Variants in KLHL8 observed in about 807,000 individuals in gnomAD.
KLHL8 encodes the protein kelch like family member 8, also known as kelch-like protein 8.
KLHL8 carries 38 observed loss-of-function variants against 63.5 expected under a neutral mutation model. That is an observed-to-expected ratio of 0.60 (90% confidence interval 0.46 to 0.78). KLHL8 has a LOEUF of 0.78. Ranked by LOEUF, KLHL8 falls within the 30% of genes least tolerant of loss-of-function variation. KLHL8 has a pLI of 0.00. For missense variants in KLHL8, 566 were observed against 752.4 expected (o/e 0.75, Z 2.90); for synonymous variants, 224 against 254.3 (o/e 0.88, Z 1.13).
At chr4:87,182,165 C>T (rs1423657453) in intron 4 of KLHL8, among the ~76,000 whole-genome samples, 1 of 141,372 alleles carries the variant, frequency 7.1e-6, no homozygotes, top group Non-Finnish European at 1.5e-5. Flanking sequence ...GGAGGTGGAG[C>T]TTGCAGTGAG....
chr4:87,162,229 A>C lies in KLHL8; in HGVS notation c.*1290T>G, dbSNP rs1456818181. The C allele has an allele frequency of 1.3e-5, 2 of 152,198 alleles. No homozygotes were observed. Among genetic ancestry groups the C allele is most frequent in the Non-Finnish European group, 2.9e-5 (2 of 68,032 alleles). The allele number at this position is 152,198 out of a possible 1,614,324, so 9.4% of individuals were successfully genotyped here. A position where few individuals can be genotyped will look rare whatever the true frequency, so the allele number is the denominator to read the frequency against. ...CAAACTGCACTGCAAATACAAAATA[A>C]AATATTTTCATGTTCTTGATAAATA... On this transcript the variant is annotated 3_prime_UTR_variant, in exon 10 of 10. Coordinates refer to ENST00000273963, the MANE Select transcript of KLHL8 (RefSeq NM_020803.5).
At chr4:87,225,494 G>A (rs1013104291), upstream of KLHL8, among the ~76,000 whole-genome samples, 4 of 152,208 alleles carry the variant, frequency 2.6e-5, no homozygotes, top group African/African-American at 9.6e-5. Flanking sequence ...GGGCCAGGCA[G>A]TAAATATTTT....
chr4:87,210,353 C>T (rs991059314), intron 1 of KLHL8, among the ~76,000 whole-genome samples: 20 of 152,146 alleles, frequency 1.3e-4, no homozygotes, highest in African/African-American at 4.1e-4. Context: ...TGGTGGCGGG[C>T]GCCTGTAGTC....
At position 87,170,521 on chromosome 4, in the gene KLHL8, T is replaced by C. The variant is rs781737612; in HGVS notation, c.1303A>G (p.Ile435Val). Reference sequence around the variant, plus strand: ...ACTGTACTCCACTGATCAGATTCTATGTCATATCTCTCCACATCATTGAAG... The same window carrying C: ...ACTGTACTCCACTGATCAGATTCTACGTCATATCTCTCCACATCATTGAAG... The part of the protein sequence containing the change: ...TCFNDVERYD[I>V]ESDQWSTVAP... The change falls in exon 7 of 10, where the codon ATA (isoleucine) becomes GTA (valine). Residue 435 changes from isoleucine (I) to valine (V), a missense_variant. By Grantham distance (29) the Ile-to-Val change is conservative. Transcript: ENST00000273963. The C allele has an allele frequency of 2.5e-5, 41 of 1,614,018 alleles. No individual in the cohort carries two copies. The highest frequency in any genetic ancestry group is 8.3e-5 in the Admixed American group (5 of 60,016).
chr4:87,168,748 GTA>G (rs1053737205), intron 8 of KLHL8, among the ~76,000 whole-genome samples: 2 of 144,400 alleles, frequency 1.4e-5, no homozygotes, highest in Admixed American at 6.9e-5. Flanking sequence ...ATATATACGT[GTA>G]TATATGTGTG....
chr4:87,169,064 G>C (rs531219612), intron 8 of KLHL8, among the ~76,000 whole-genome samples: 1 of 152,074 alleles, frequency 6.6e-6, no homozygotes, highest in East Asian at 1.9e-4. Context: ...CAGCACTTTG[G>C]GAGGCCAAGG....
intron 6 of KLHL8, among the ~76,000 whole-genome samples, chr4:87,175,781 G>A (rs947719449): frequency 7.2e-5 from 11 of 152,128 alleles, no homozygotes; most frequent in Non-Finnish European, 1.2e-4. Context: ...ATATGTAAAT[G>A]AGAACATAAA....
At chr4:87,234,865 C>A (rs1733200366) in intron 1 of KLHL8, among the ~76,000 whole-genome samples, 1 of 152,122 alleles carries the variant, frequency 6.6e-6, no homozygotes, top group African/African-American at 2.4e-5. Context: ...TATTGACGAT[C>A]CTGACACTGT....
At chr4:87,196,455 C>T (rs1368075396) in intron 1 of KLHL8, among the ~76,000 whole-genome samples, 2 of 151,932 alleles carry the variant, frequency 1.3e-5, no homozygotes, top group East Asian at 3.9e-4. Flanking sequence ...TACCACATAC[C>T]AACTGTATGA....
intron 1 of KLHL8, among the ~76,000 whole-genome samples, chr4:87,212,266 A>G (rs960273643): frequency 6.6e-6 from 1 of 152,154 alleles, no homozygotes; most frequent in South Asian, 2.1e-4. Flanking sequence ...AAATATCTTG[A>G]TGACTTAGGC....
chr4:87,229,421 T>C (rs903940108), intron 1 of KLHL8, among the ~76,000 whole-genome samples: 1 of 80,902 alleles, frequency 1.2e-5, no homozygotes, highest in Admixed American at 1.3e-4. Flanking sequence ...TCTTTTTCCT[T>C]TTTTTTTTTT....
intron 4 of KLHL8, among the ~76,000 whole-genome samples, chr4:87,179,523 C>T (rs1258177606): frequency 1.3e-5 from 2 of 152,084 alleles, no homozygotes; most frequent in Non-Finnish European, 2.9e-5. Context: ...GCCTGTAATC[C>T]CAGCATTTTG....
At chr4:87,200,138 C>CAAAAAA (rs61605160) in intron 1 of KLHL8, among the ~76,000 whole-genome samples, 2 of 73,704 alleles carry the variant, frequency 2.7e-5, no homozygotes, top group Non-Finnish European at 4.9e-5. Context: ...GAGACTGCCT[C>CAAAAAA]AAAAAAAAAA....
intron 1 of KLHL8, among the ~76,000 whole-genome samples, chr4:87,237,625 A>G (rs1349228745): frequency 6.6e-6 from 1 of 152,120 alleles, no homozygotes; most frequent in Non-Finnish European, 1.5e-5. Flanking sequence ...CCCAGGAGTT[A>G]GAGACCAGTT....
At chr4:87,239,593 G>A (rs182274023) in intron 1 of KLHL8, among the ~76,000 whole-genome samples, 23 of 152,118 alleles carry the variant, frequency 1.5e-4, no homozygotes, top group African/African-American at 4.3e-4. Context: ...TTTACCTCTG[G>A]GTACCTTTTT....
At position 87,185,592 on chromosome 4, in the gene KLHL8, A is replaced by G. The variant is rs1453793050; in HGVS notation, c.424T>C (p.Tyr142His). 6.2e-6 allele frequency: 10 copies of G among 1,614,224 alleles called. No individual in the cohort carries two copies. The East Asian group carries it at 2.0e-4, about 32-fold the overall frequency. The change falls in exon 3 of 10, where the codon TAT becomes CAT. Residue 142 changes from tyrosine to histidine, a missense_variant. Tyr to His is a moderately conservative substitution (Grantham distance 83, BLOSUM62 2). Transcript: ENST00000273963. The stretch of plus-strand genomic sequence containing the variant: ...TCAACCTGCAGAATACAGGCTGCAT[A>G]TAAGAGAGGCTGGACATTGTCAACA... ...LTVDNVQPLLYAACILQVELV... is the reference protein window; with the variant it reads ...LTVDNVQPLLHAACILQVELV...
upstream of KLHL8, chr4:87,220,930 C>T (rs184587730): frequency 6.6e-6 from 1 of 152,274 alleles, no homozygotes; most frequent in African/African-American, 2.4e-5. Context: ...GTGAGTGTTC[C>T]TGGGATTTAT....
intron 1 of KLHL8, chr4:87,207,536 T>A: frequency 9.8e-7 from 1 of 1,017,352 alleles, no homozygotes; most frequent in Non-Finnish European, 1.5e-6. Context: ...AGCAATGCCT[T>A]CTGCACCACC....
chr4:87,223,413 A>G (rs1230251680), upstream of KLHL8, among the ~76,000 whole-genome samples: 1 of 152,222 alleles, frequency 6.6e-6, no homozygotes. Context: ...TATACACAAT[A>G]TTTCAATATT....
Sources: gnomAD v4.1 joint callset for allele counts (sites outside exome capture counted in the v4.1 genomes callset) on GRCh38, gnomAD v4.1.1 for gene constraint, MANE v1.5 for transcripts, NCBI Gene and HGNC (gene_info 2026-07-23, HGNC 2026-07-21) for gene names.